Variants in CUX1 observed in about 807,000 individuals in gnomAD.
CUX1 encodes the protein protein CASP.
Under a neutral mutation model 158.8 loss-of-function variants are expected in CUX1, and 31 were observed. The observed-to-expected ratio is 0.20, with a 90% CI of 0.15 to 0.26. The LOEUF is 0.26. Ranked by LOEUF, CUX1 falls within the 10% of genes least tolerant of loss-of-function variation. The pLI is 1.00. For synonymous variants in CUX1, 879 were observed against 862.1 expected, an observed-to-expected ratio of 1.02 and a Z score of -0.34; for missense variants, 1,589 against 2,014.6, an observed-to-expected ratio of 0.79 and a Z score of 4.04.
chr7:101,826,794 C>T (rs1296832889), intron 1 of CUX1, among the ~76,000 whole-genome samples: 1 of 152,068 alleles, frequency 6.6e-6, no homozygotes, highest in Non-Finnish European at 1.5e-5. Context: ...CTCTAGGGCT[C>T]CCCTCTGAGC....
chr7:101,909,428 G>A (rs1803158414), intron 1 of CUX1, among the ~76,000 whole-genome samples: 1 of 822 alleles, frequency 1.2e-3, no homozygotes, highest in Non-Finnish European at 2.3e-3. Flanking sequence ...AGGCTGGTGG[G>A]TGGGGCTTAG....
chr7:102,277,116 G>A (rs1011696218), intron 17 of CUX1, among the ~76,000 whole-genome samples: 3 of 150,950 alleles, frequency 2.0e-5, no homozygotes, highest in African/African-American at 7.3e-5. Context: ...CCTGGGCAAC[G>A]CAGTGAGACC....
At chr7:102,078,876 T>A (rs1827063234) in intron 4 of CUX1, among the ~76,000 whole-genome samples, 1 of 152,196 alleles carries the variant, frequency 6.6e-6, no homozygotes, top group South Asian at 2.1e-4. Context: ...GGTTTCATTT[T>A]GGATGTAGGA....
chr7:102,123,736 C>T (rs1270462797), intron 8 of CUX1, among the ~76,000 whole-genome samples: 5 of 151,988 alleles, frequency 3.3e-5, no homozygotes, highest in Admixed American at 6.6e-5. Flanking sequence ...GATCTTGGCT[C>T]ACTACAACTT....
At chr7:101,842,627 C>G (rs1380510198) in intron 1 of CUX1, among the ~76,000 whole-genome samples, 2 of 152,100 alleles carry the variant, frequency 1.3e-5, no homozygotes, top group Admixed American at 1.3e-4. Flanking sequence ...CTCAAGTGAT[C>G]CTCTTGCCTC....
intron 8 of CUX1, 22 bp downstream of exon 8, chr7:102,115,295 C>G: frequency 1.2e-6 from 2 of 1,603,008 alleles, no homozygotes; most frequent in Non-Finnish European, 1.7e-6. Flanking sequence ...TGCTTGGCCT[C>G]CCTTATCCGT....
chr7:102,250,177 AACTGTAGCATGT>A lies in CUX1; in HGVS notation c.*1138_*1149del. 1 of 985,438 alleles carries A rather than the reference AACTGTAGCATGT, an allele frequency of 1.0e-6. No homozygotes were observed. The allele number at this position is 985,438 out of a possible 1,614,324, so 61.0% of individuals were successfully genotyped here. ...CTTGGAGGTTTAGGAGACAAGTTAG[AACTGTAGCATGT>A]ACCTGTTAATTTTGTTTAATTTATG... On this transcript the variant is annotated 3_prime_UTR_variant, in exon 24 of 24. Coordinates refer to ENST00000292535, the MANE Select transcript of CUX1 (RefSeq NM_181552.4).
At chr7:102,283,046 C>T in exon 23 of CUX1, 2 of 1,613,602 alleles carry the variant, frequency 1.2e-6, no homozygotes, top group Non-Finnish European at 1.7e-6. Flanking sequence ...GCACAAGTTC[C>T]ACGAGAATGA....
chr7:102,210,198 G>C (rs781872965), intron 20 of CUX1, among the ~76,000 whole-genome samples: 14 of 152,174 alleles, frequency 9.2e-5, no homozygotes, highest in Non-Finnish European at 2.1e-4. Context: ...CGGGGTTCAA[G>C]TAATTCTCCT....
intron 8 of CUX1, among the ~76,000 whole-genome samples, chr7:102,120,033 G>A (rs1328783595): frequency 6.6e-6 from 1 of 152,124 alleles, no homozygotes; most frequent in Admixed American, 6.6e-5. Context: ...CCGTGGAGGT[G>A]GCAGATCCCT....
At chr7:102,125,313 C>A (rs1430279517) in intron 8 of CUX1, among the ~76,000 whole-genome samples, 1 of 152,118 alleles carries the variant, frequency 6.6e-6, no homozygotes, top group African/African-American at 2.4e-5. Context: ...GCTGTTGGCT[C>A]CTAAGCAGAA....
At chr7:101,879,628 A>AC (rs374409138) in intron 1 of CUX1, among the ~76,000 whole-genome samples, 6 of 149,368 alleles carry the variant, frequency 4.0e-5, no homozygotes, top group African/African-American at 7.6e-5. Context: ...GTGTGGTGTG[A>AC]CCCCCCTGAC....
intron 3 of CUX1, among the ~76,000 whole-genome samples, chr7:102,028,932 G>A (rs940061555): frequency 2.0e-5 from 3 of 151,430 alleles, no homozygotes; most frequent in African/African-American, 7.3e-5. Context: ...GATAAGGAAA[G>A]GAAACGAGAC....
chr7:102,236,730 A>C (rs538814469), intron 22 of CUX1, among the ~76,000 whole-genome samples: 1 of 152,160 alleles, frequency 6.6e-6, no homozygotes, highest in Non-Finnish European at 1.5e-5. Context: ...CTCAGCCCTT[A>C]GGAGGGAGGA....
At chr7:102,232,483 TC>T (rs1466741954) in intron 21 of CUX1, among the ~76,000 whole-genome samples, 1 of 152,126 alleles carries the variant, frequency 6.6e-6, no homozygotes, top group African/African-American at 2.4e-5. Flanking sequence ...CCCTCTGTCG[TC>T]TCCCTGCCCC....
At chr7:101,914,408 C>T (rs1470061638) in intron 1 of CUX1, among the ~76,000 whole-genome samples, 6 of 128,310 alleles carry the variant, frequency 4.7e-5, no homozygotes, top group Non-Finnish European at 6.7e-5. Context: ...CCCTCCCTCC[C>T]TCCCTCTTTC....
At chr7:102,226,285 G>A (rs1411993975) in intron 20 of CUX1, among the ~76,000 whole-genome samples, 1 of 152,194 alleles carries the variant, frequency 6.6e-6, no homozygotes, top group African/African-American at 2.4e-5. Context: ...AAAGAGCTCG[G>A]TTTTCAGAAG....
intron 2 of CUX1, among the ~76,000 whole-genome samples, chr7:101,997,723 A>C: frequency 6.6e-6 from 1 of 152,142 alleles, no homozygotes; most frequent in East Asian, 1.9e-4. Flanking sequence ...TGTTGTGCCC[A>C]TTGTACAGAT....
At chr7:102,110,578 A>G (rs1040310244) in intron 6 of CUX1, among the ~76,000 whole-genome samples, 1 of 152,226 alleles carries the variant, frequency 6.6e-6, no homozygotes, top group Non-Finnish European at 1.5e-5. Context: ...GTTACACTAT[A>G]GTGTGTTACG....
Sources: allele counts gnomAD v4.1 joint callset (sites outside exome capture counted in the v4.1 genomes callset), GRCh38; gene constraint gnomAD v4.1.1; transcripts MANE v1.5; gene names NCBI Gene and HGNC (gene_info 2026-07-23, HGNC 2026-07-21).